Variants in SPATA13 observed in about 807,000 individuals in gnomAD.
SPATA13 encodes the protein spermatogenesis associated 13.
A neutral mutation model predicts 104.0 loss-of-function variants in SPATA13; 50 were observed. The observed-to-expected ratio is 0.48, with a 90% CI of 0.38 to 0.61. The LOEUF (loss-of-function observed/expected upper bound fraction) is 0.61. Among genes scored for constraint, SPATA13 ranks in the 20% least tolerant of loss-of-function variants. The probability of loss-of-function intolerance (pLI) is 0.00; values close to 1 mark genes in which losing one functional copy is unlikely to be tolerated. For missense variants in SPATA13, 1,524 were observed against 1,690.6 expected (o/e 0.90, Z 1.73); for synonymous variants, 606 against 667.5 (o/e 0.91, Z 1.42).
chr13:24,017,672 G>T, exon 3 of SPATA13: 1 of 985,336 alleles, frequency 1.0e-6, no homozygotes, highest in South Asian at 4.7e-5. Flanking sequence ...TCCAGAGCTT[G>T]TCTTCAAGAG....
rs1230589254 is a variant in SPATA13, at chr13:24,011,762, C to T, written c.-146-5905C>T. On this transcript the variant is annotated intron_variant, in intron 2 of 14. Coordinates refer to the SPATA13 transcript ENST00000424834. This position sits in a 1 kb window ranked among gnomAD's most constrained non-coding sequence, Gnocchi z 4.3. ...GGCATGCAGAGAACATAGTCTTCAG[C>T]TCTGGCCAAGCAGCCATCTGTCCAG... Among the ~76,000 whole-genome samples the T allele has an allele frequency of 6.6e-6, 1 of 152,210 alleles. No homozygotes were observed. Among genetic ancestry groups the T allele is most frequent in the Non-Finnish European group, 1.5e-5 (1 of 68,022 alleles).
intron 2 of SPATA13, among the ~76,000 whole-genome samples, chr13:24,247,925 C>T (rs1428218222): frequency 6.6e-6 from 1 of 152,106 alleles, no homozygotes; most frequent in Non-Finnish European, 1.5e-5. Flanking sequence ...TTTGGTTTCT[C>T]AAGGAGGGAG....
At position 24,306,929 on chromosome 13, in the gene SPATA13, G is replaced by A. The variant is rs1877613690; in HGVS notation, c.*4156G>A. On this transcript the variant is annotated 3_prime_UTR_variant, in exon 13 of 13. Transcript: ENST00000382108. ...TTGCTGTTGACAGCCAAAGTATAGTGTACAAGATTGATGTAACTTGATATG... is the reference window on the plus strand; with the variant it reads ...TTGCTGTTGACAGCCAAAGTATAGTATACAAGATTGATGTAACTTGATATG... 6.6e-6 allele frequency: 1 copy of A among 152,118 alleles called. No individual in the cohort carries two copies. Among genetic ancestry groups the A allele is most frequent in the African/African-American group, 2.4e-5 (1 of 41,402 alleles). The allele number at this position is 152,118 out of a possible 1,614,324, so 9.4% of individuals were successfully genotyped here.
chr13:24,128,677 A>G (rs1337845035), intron 3 of SPATA13, among the ~76,000 whole-genome samples: 2 of 152,030 alleles, frequency 1.3e-5, no homozygotes, highest in Non-Finnish European at 2.9e-5. Flanking sequence ...CCCGGGAGCA[A>G]GAGAACCAAA....
At chr13:24,036,128 G>A (rs968388669) in intron 3 of SPATA13, among the ~76,000 whole-genome samples, 4 of 151,894 alleles carry the variant, frequency 2.6e-5, no homozygotes, top group Admixed American at 6.6e-5. Flanking sequence ...AAATTGAGAA[G>A]TTTCAAAAAT....
chr13:24,134,776 G>A (rs1489956891), intron 3 of SPATA13, among the ~76,000 whole-genome samples: 2 of 152,178 alleles, frequency 1.3e-5, no homozygotes, highest in African/African-American at 4.8e-5. Context: ...TATGGCCTCA[G>A]GAGAGCTTCA....
At chr13:24,250,642 G>A (rs139598737) in intron 3 of SPATA13, among the ~76,000 whole-genome samples, 91 of 152,238 alleles carry the variant, frequency 6.0e-4, no homozygotes, top group African/African-American at 2.1e-3. Flanking sequence ...GATTGTATAC[G>A]TCTACATTTT....
intron 2 of SPATA13, among the ~76,000 whole-genome samples, chr13:24,001,515 G>A (rs1875967409): frequency 1.3e-5 from 2 of 152,022 alleles, no homozygotes; most frequent in Admixed American, 1.3e-4. Context: ...TGAGCTGGCG[G>A]GGAAAGGCAG....
At chr13:23,993,511 T>C (rs1294943194) in intron 2 of SPATA13, among the ~76,000 whole-genome samples, 2 of 152,210 alleles carry the variant, frequency 1.3e-5, no homozygotes, top group Non-Finnish European at 2.9e-5. Context: ...AAGAGTGATG[T>C]TGTTTCACAG....
chr13:24,151,864 G>A (rs533782335), intron 3 of SPATA13, among the ~76,000 whole-genome samples: 1 of 152,344 alleles, frequency 6.6e-6, no homozygotes, highest in Non-Finnish European at 1.5e-5. Context: ...GTCTTTAACA[G>A]TACTAAGCAG....
intron 2 of SPATA13, among the ~76,000 whole-genome samples, chr13:23,987,001 C>CTCTGTGTGTG (rs1555252373): frequency 2.8e-5 from 4 of 141,426 alleles, no homozygotes; most frequent in East Asian, 4.2e-4. Flanking sequence ...ATGGATATAT[C>CTCTGTGTGTG]TGTGTGTGTG....
At position 24,174,439 on chromosome 13, in the gene SPATA13, T is replaced by C. The variant is rs184484381; in HGVS notation, c.-112+13507T>C. ...AGATTAGATTGATTTGAGATGGTTC[T>C]TCTTTTCTTATATGAGCATTTCGTG... is the stretch of plus-strand genomic sequence containing the variant. On this transcript the variant is annotated intron_variant, in intron 1 of 12. Transcript: ENST00000382108. Among the ~76,000 whole-genome samples the C allele has an allele frequency of 9.4e-4, 143 of 152,148 alleles. 1 individual carries two copies. Among genetic ancestry groups the C allele is most frequent in the African/African-American group, 3.0e-3 (124 of 41,530 alleles).
At chr13:24,280,017 A>G (rs780004779) in intron 4 of SPATA13, among the ~76,000 whole-genome samples, 30 of 152,062 alleles carry the variant, frequency 2.0e-4, no homozygotes, top group Non-Finnish European at 3.7e-4. Flanking sequence ...TTTTTTCTTT[A>G]CTTTTTTCTT....
At chr13:24,020,578 A>T (rs1462513272) in intron 3 of SPATA13, among the ~76,000 whole-genome samples, 3 of 152,222 alleles carry the variant, frequency 2.0e-5, no homozygotes, top group African/African-American at 7.2e-5. Flanking sequence ...TAAACTATTC[A>T]GATAATCCAT....
At chr13:24,123,289 ATCT>A in intron 3 of SPATA13, 5 of 1,573,540 alleles carry the variant, frequency 3.2e-6, no homozygotes, top group South Asian at 2.2e-5. Flanking sequence ...TCAATCAGAC[ATCT>A]TCTTGTCAGC....
chr13:24,284,393 A>G lies in SPATA13; in HGVS notation c.2301+122A>G, dbSNP rs1875767890. The G allele has an allele frequency of 7.2e-6, 8 of 1,114,574 alleles. No individual in the cohort carries two copies. In the South Asian group the frequency reaches 1.4e-4, roughly 19 times the overall value. The allele number at this position is 1,114,574 out of a possible 1,614,324, so 69.0% of individuals were successfully genotyped here. On this transcript the variant is annotated intron_variant, in intron 5 of 12. Transcript: ENST00000382108. ...GCATGTCCGAAAACCTGGAACTCTGATTAAAACAACACTGTGATTCACTTT... is the reference window on the plus strand; with the variant it reads ...GCATGTCCGAAAACCTGGAACTCTGGTTAAAACAACACTGTGATTCACTTT...
At chr13:24,008,500 G>T (rs1051450464) in intron 2 of SPATA13, among the ~76,000 whole-genome samples, 2 of 152,112 alleles carry the variant, frequency 1.3e-5, no homozygotes, top group Admixed American at 6.5e-5. Context: ...AGCTCTCCAG[G>T]TGGACGGTCT....
In SPATA13 at chr13:24,224,504, A is replaced by T. The variant is rs1239631490; in HGVS notation, c.1575A>T (p.Thr525=). Reference sequence around the variant, plus strand: ...CCTTGCAGGATCCCCTGGAAGCCACACATGGTGATGAGGGCAGCAAGGACC... The same window carrying T: ...CCTTGCAGGATCCCCTGGAAGCCACTCATGGTGATGAGGGCAGCAAGGACC... ...PVSLQDPLEA[T]HGDEGSKDLL... is the part of the protein sequence containing the mutation. Residue 525 remains threonine (T), a synonymous_variant, in exon 2 of 13, where the codon ACA becomes ACT. Coordinates refer to ENST00000382108, the MANE Select transcript of SPATA13 (RefSeq NM_001166271.3). 1 of 1,549,742 alleles carries T rather than the reference A, an allele frequency of 6.5e-7. No individual in the cohort carries two copies.
At chr13:24,215,868 G>A (rs1488789010) in intron 1 of SPATA13, among the ~76,000 whole-genome samples, 1 of 152,170 alleles carries the variant, frequency 6.6e-6, no homozygotes, top group Non-Finnish European at 1.5e-5. Context: ...TCATTGCCCT[G>A]AATGGTAAAT....
Sources: gnomAD v4.1 joint callset for allele counts (sites outside exome capture counted in the v4.1 genomes callset) on GRCh38, gnomAD v4.1.1 for gene constraint, Gnocchi (gnomAD v3.1) non-coding constraint, MANE v1.5 for transcripts, NCBI Gene and HGNC (gene_info 2026-07-23, HGNC 2026-07-21) for gene names.